The following PXDN variants were observed in gnomAD, a reference collection of about 807,000 sequenced individuals.
PXDN encodes the protein peroxidasin.
In PXDN, 77 loss-of-function variants were observed where a neutral mutation model predicts 140.3. The ratio of observed to expected loss-of-function variants is 0.55; its 90% CI spans 0.46 to 0.66. The LOEUF is 0.66. Ranked by LOEUF, PXDN falls within the 30% of genes least tolerant of loss-of-function variation. The pLI is 0.00. For missense variants in PXDN, 1,838 were observed against 2,039.5 expected, an observed-to-expected ratio of 0.90 and a Z score of 1.90; for synonymous variants, 911 against 857.4, an observed-to-expected ratio of 1.06 and a Z score of -1.09.
chr2:1,689,784 CAA>C (rs59005952), intron 3 of PXDN, among the ~76,000 whole-genome samples: 42,121 of 118,246 alleles, frequency 0.36, 6,176 homozygotes, highest in African/African-American at 0.45. Context: ...AACTCCACCT[CAA>C]AAAAAAAAAA....
rs1053075080 is a variant in PXDN at position 1,685,057 on chromosome 2, C to T, written c.417-906G>A. On this transcript the variant is annotated intron_variant, in intron 4 of 22. Coordinates refer to ENST00000252804, the MANE Select transcript of PXDN (RefSeq NM_012293.3). The surrounding 1 kb of genome is among the most constrained non-coding windows in gnomAD (Gnocchi z 5.1). ...AGAAAGGAGGACTCCTCAGAACGCA[C>T]GCCTGAGAATCAGGTCTGTGGACAT... Among the ~76,000 whole-genome samples, 7 of 152,338 alleles carry T rather than the reference C, an allele frequency of 4.6e-5. No individual in the cohort carries two copies. The highest frequency in any genetic ancestry group is 1.9e-4 in the East Asian group (1 of 5,160).
At chr2:1,709,197 C>T (rs925805450) in intron 1 of PXDN, among the ~76,000 whole-genome samples, 1 of 152,188 alleles carries the variant, frequency 6.6e-6, no homozygotes, top group Admixed American at 6.5e-5. Flanking sequence ...GCAATGCTGA[C>T]CACAGGTGCG....
rs2125398912 is a variant in PXDN, at chr2:1,634,186, GAGGAGCCTCCC to G, written c.*7_*17del. On this transcript the variant is annotated 3_prime_UTR_variant, in exon 23 of 23. Transcript: ENST00000252804. ...CACGATGGCACAGCAGACAAACTCT[GAGGAGCCTCCC>G]AGGAGCCTAGGGCTTTTCCTCCGCC... 3 of 1,559,584 alleles carry G rather than the reference GAGGAGCCTCCC, an allele frequency of 1.9e-6. No individual in the cohort carries two copies. In the East Asian group the frequency reaches 7.2e-5, roughly 37 times the overall value.
chr2:1,649,504 G>C lies in PXDN; in HGVS notation c.2276C>G (p.Ser759Trp), dbSNP rs200731840. The C allele has an allele frequency of 1.9e-6, 3 of 1,614,006 alleles. No individual in the cohort carries two copies. Among genetic ancestry groups the C allele is most frequent in the Non-Finnish European group, 2.5e-6 (3 of 1,179,882 alleles). The stretch of plus-strand genomic sequence containing the variant: ...CAGCAGGCGCTCGAAGGCGGTCAGC[G>C]AGGCGCCCCACATGGGGTGCTGCAG... ...NNLQHPMWGA[S>W]LTAFERLLKS... The change falls in exon 17 of 23, where the codon TCG becomes TGG. Residue 759 changes from serine to tryptophan, a missense_variant. Coordinates refer to ENST00000252804, the MANE Select transcript of PXDN (RefSeq NM_012293.3). This position sits in a 1 kb window ranked among gnomAD's most constrained non-coding sequence, Gnocchi z 7.1.
intron 1 of PXDN, 101 bp downstream of exon 1, chr2:1,744,155 C>T (rs1172363675): frequency 6.6e-6 from 8 of 1,211,116 alleles, no homozygotes; most frequent in African/African-American, 4.9e-5. Context: ...CGCCCGATGC[C>T]CCCTCCACCC....
chr2:1,658,026 G>A (rs1298705090), intron 14 of PXDN, among the ~76,000 whole-genome samples: 1 of 83,606 alleles, frequency 1.2e-5, no homozygotes, highest in Non-Finnish European at 2.2e-5. Flanking sequence ...TTCAGCTGTG[G>A]GCTCTCTCTC....
intron 3 of PXDN, among the ~76,000 whole-genome samples, chr2:1,689,611 C>T (rs1400427547): frequency 3.9e-5 from 6 of 151,960 alleles, no homozygotes; most frequent in Non-Finnish European, 5.9e-5. Context: ...GGTGAAACTC[C>T]GTCTCTATTA....
At chr2:1,653,551 G>A in intron 16 of PXDN, 77 bp downstream of exon 16, 1 of 1,540,598 alleles carries the variant, frequency 6.5e-7, no homozygotes, top group Admixed American at 1.9e-5. Context: ...CTCTTCCCTA[G>A]GAATGTGACT....
chr2:1,678,689 C>T (rs1451700639), intron 7 of PXDN, among the ~76,000 whole-genome samples: 1 of 152,232 alleles, frequency 6.6e-6, no homozygotes, highest in Admixed American at 6.5e-5. Context: ...CCAAGCTGGG[C>T]AACACAGGTC....
intron 12 of PXDN, among the ~76,000 whole-genome samples, chr2:1,663,369 CA>C (rs1258171819): frequency 6.6e-6 from 1 of 152,130 alleles, no homozygotes; most frequent in Non-Finnish European, 1.5e-5. Context: ...TATCCAAGTT[CA>C]AAACAACCAT....
chr2:1,722,285 C>T (rs1049889525), intron 1 of PXDN, among the ~76,000 whole-genome samples: 3 of 152,214 alleles, frequency 2.0e-5, no homozygotes, highest in African/African-American at 7.2e-5. Flanking sequence ...CCAGCATGGC[C>T]GTTCCCTCAC....
In PXDN at chr2:1,652,959, T is replaced by TGTGC. The variant is rs1454675014; in HGVS notation, c.2104+668_2104+669insGCAC. The TGTGC allele has an allele frequency of 1.8e-5, 3 of 165,150 alleles. No homozygotes were observed. In the East Asian group the frequency reaches 4.9e-4, roughly 27 times the overall value. 10.2% of individuals were successfully genotyped at this position (165,150 alleles called of 1,614,324 possible). On this transcript the variant is annotated intron_variant, in intron 16 of 22. Transcript: ENST00000252804. ...GTGTGTGTGTGTGTGTGTGTGTGTG[T>TGTGC]GTGTGTGTACAGAACCATGAGTAAC...
intron 14 of PXDN, among the ~76,000 whole-genome samples, chr2:1,658,076 CT>C (rs760663270): frequency 0.039 from 3,092 of 78,496 alleles, 707 homozygotes; most frequent in Admixed American, 0.1. Context: ...CTCTCTCTCT[CT>C]CTCTCTCTCT....
At chr2:1,722,077 A>G (rs1685066288) in intron 1 of PXDN, among the ~76,000 whole-genome samples, 1 of 152,210 alleles carries the variant, frequency 6.6e-6, no homozygotes, top group Admixed American at 6.5e-5. Context: ...AAAATACCAC[A>G]AGACAGAGTT....
chr2:1,666,593 G>A, intron 9 of PXDN, 107 bp from the exon 10 acceptor site: 5 of 1,328,058 alleles, frequency 3.8e-6, no homozygotes, highest in South Asian at 1.5e-5. Context: ...ACCGAAATAG[G>A]CAAAACAAAC....
chr2:1,638,929 T>G lies in PXDN; in HGVS notation c.4123A>C (p.Thr1375Pro), dbSNP rs371739601. The G allele has an allele frequency of 1.4e-4, 233 of 1,613,874 alleles. 2 individuals carry two copies. Among genetic ancestry groups the G allele is most frequent in the Admixed American group, 4.7e-4 (28 of 60,008 alleles). ...TTTGTCCCAGATGCATCTGAGCGTG[T>G]GCTGAAGGCTGAGGTGCTGTTGCTG... ...HLSNSTSAFS[T>P]RSDASGTNDF... The change falls in exon 21 of 23, where the codon ACA becomes CCA. Residue 1375 changes from threonine to proline, a missense_variant. Around this residue, in one of 5 missense-constraint regions of PXDN, gnomAD observed 850 missense variants for 894.1 expected, o/e 0.95. Coordinates refer to ENST00000252804, the MANE Select transcript of PXDN (RefSeq NM_012293.3).
chr2:1,674,268 G>A (rs934943384), intron 8 of PXDN, among the ~76,000 whole-genome samples: 3 of 152,158 alleles, frequency 2.0e-5, no homozygotes, highest in East Asian at 1.9e-4. Flanking sequence ...GGAGCGCAGC[G>A]GTATAACCAT....
chr2:1,723,575 C>T (rs550847905), intron 1 of PXDN, among the ~76,000 whole-genome samples: 30 of 151,408 alleles, frequency 2.0e-4, no homozygotes, highest in Non-Finnish European at 2.9e-4. Context: ...GACTAATGAA[C>T]GGATGGATGG....
chr2:1,744,397 C>T lies in PXDN; in HGVS notation c.59G>A (p.Cys20Tyr). Residue 20 changes from cysteine (C) to tyrosine (Y), a missense_variant, in exon 1 of 23, where the codon TGC becomes TAC. This residue lies in a region of PXDN where 231 missense variants were observed against 201.5 expected (regional missense o/e 1.15). Coordinates refer to ENST00000252804, the MANE Select transcript of PXDN (RefSeq NM_012293.3). ...RRCLLALVLFCAWGTLAVVAQ... is the reference protein window; with the variant it reads ...RRCLLALVLFYAWGTLAVVAQ... The stretch of plus-strand genomic sequence containing the variant: ...CACCACGGCCAGCGTCCCCCAGGCG[C>T]AGAACAGCACGAGCGCCAACAGGCA... The T allele has an allele frequency of 6.6e-7, 1 of 1,520,214 alleles. No individual in the cohort carries two copies. Among genetic ancestry groups the T allele is most frequent in the Non-Finnish European group, 8.8e-7 (1 of 1,140,824 alleles). The allele number at this position is 1,520,214 out of a possible 1,614,324, so 94.2% of individuals were successfully genotyped here.
Sources: allele counts gnomAD v4.1 joint callset (sites outside exome capture counted in the v4.1 genomes callset), GRCh38; gene constraint gnomAD v4.1.1; regional missense constraint gnomAD v4.1.1; non-coding constraint Gnocchi (gnomAD v3.1); transcripts MANE v1.5; gene names NCBI Gene and HGNC (gene_info 2026-07-23, HGNC 2026-07-21).